Variants in MASP1 observed in about 807,000 individuals in gnomAD.
The protein encoded by MASP1 is mannan-binding lectin serine protease 1.
In MASP1, 59 loss-of-function variants were observed where a neutral mutation model predicts 77.1. The observed-to-expected ratio is 0.77, with a 90% CI of 0.62 to 0.95. The LOEUF is 0.95. Ranked by LOEUF, MASP1 falls within the 40% of genes least tolerant of loss-of-function variation. The pLI is 0.00. For missense variants in MASP1, 885 were observed against 912.9 expected (o/e 0.97, Z 0.39); for synonymous variants, 362 against 354.5 (o/e 1.02, Z -0.24).
chr3:187,223,084 G>T, intron 14 of MASP1: 1 of 1,528,820 alleles, frequency 6.5e-7, no homozygotes, highest in Non-Finnish European at 9.1e-7. Context: ...GCCCAGTGCA[G>T]AGCTGAGGTG....
intron 1 of MASP1, among the ~76,000 whole-genome samples, chr3:187,288,860 GGGA>G (rs1445530802): frequency 6.6e-6 from 1 of 152,188 alleles, no homozygotes; most frequent in Admixed American, 6.5e-5. Context: ...TGGTCAGCGT[GGGA>G]GGAAGGCCCA....
chr3:187,220,381 A>T, intron 15 of MASP1: 1 of 845,792 alleles, frequency 1.2e-6, no homozygotes, highest in South Asian at 1.7e-5. Flanking sequence ...AGACCGTTGG[A>T]CCCAAACCTC....
At chr3:187,229,631 C>T, downstream of MASP1, 2 of 1,273,568 alleles carry the variant, frequency 1.6e-6, no homozygotes, top group Admixed American at 2.0e-5. Flanking sequence ...GCCGAGAACT[C>T]TTTCTACCGC....
chr3:187,226,222 A>G (rs374363377), intron 12 of MASP1: 1 of 625,086 alleles, frequency 1.6e-6, no homozygotes, highest in Non-Finnish European at 2.9e-6. Flanking sequence ...ATGCCTTCTC[A>G]TGGTCACGTG....
At chr3:187,220,126 G>C in exon 16 of MASP1, 1 of 1,614,150 alleles carries the variant, frequency 6.2e-7, no homozygotes, top group Non-Finnish European at 8.5e-7. Flanking sequence ...GTGGATGTAA[G>C]AGTATACTCC....
At chr3:187,262,941 G>A (rs1047078089) in intron 2 of MASP1, 1 of 524,872 alleles carries the variant, frequency 1.9e-6, no homozygotes, top group Non-Finnish European at 3.4e-6. Context: ...TCCATTAGAA[G>A]TAGCTTGATA....
chr3:187,253,177 T>C lies in MASP1; in HGVS notation c.883A>G (p.Arg295Gly). Residue 295 changes from arginine to glycine, a missense_variant, in exon 6 of 11, where the codon AGG becomes GGG. Coordinates refer to ENST00000296280, the MANE Select transcript of MASP1 (RefSeq NM_139125.4). Reference protein sequence around the residue: ...GENRGWRLSYRAAGNECPELQ... With the variant: ...GENRGWRLSYGAAGNECPELQ... ...GGAGGGAAGAGGTTACCTGCAGCCC[T>C]GTATGAGAGCCTCCAGCCCCGGTTC... 1.2e-6 allele frequency: 2 copies of C among 1,613,968 alleles called. No individual in the cohort carries two copies. Among genetic ancestry groups the C allele is most frequent in the Non-Finnish European group, 1.7e-6 (2 of 1,179,990 alleles).
intron 9 of MASP1, 149 bp from the exon 10 acceptor site, chr3:187,241,704 G>A: frequency 1.5e-6 from 1 of 645,970 alleles, no homozygotes; most frequent in Non-Finnish European, 2.9e-6. Context: ...TTGTCTCTGA[G>A]CCTAGATGTA....
At chr3:187,241,440 G>A (rs770329400) in intron 10 of MASP1, 41 bp downstream of exon 10, 1 of 1,559,586 alleles carries the variant, frequency 6.4e-7, no homozygotes, top group Non-Finnish European at 8.8e-7. Context: ...TAGGGCCTTG[G>A]ATGGAAAACT....
chr3:187,247,602 T>C (rs1009709168), intron 8 of MASP1, among the ~76,000 whole-genome samples: 38 of 152,194 alleles, frequency 2.5e-4, no homozygotes, highest in African/African-American at 8.7e-4. Context: ...TTCTGAGAAT[T>C]TGCAGAGTCA....
At position 187,286,019 on chromosome 3, in the gene MASP1, A is replaced by T. The variant is rs1279386196; in HGVS notation, c.43T>A (p.Ser15Thr). 1 of 1,614,228 alleles carries T rather than the reference A, an allele frequency of 6.2e-7. No homozygotes were observed. Among genetic ancestry groups the T allele is most frequent in the Non-Finnish European group, 8.5e-7 (1 of 1,180,034 alleles). ...TCCACGGTGTGGGCTGAAGCCTTTGACAGGGAGAAGCACAGAGCATAATAG... is the reference window on the plus strand; with the variant it reads ...TCCACGGTGTGGGCTGAAGCCTTTGTCAGGGAGAAGCACAGAGCATAATAG... ...LLYYALCFSL[S>T]KASAHTVELN... is the part of the protein sequence containing the mutation. Residue 15 changes from serine to threonine, a missense_variant, in exon 2 of 11, where the codon TCA (serine) becomes ACA (threonine). Physicochemically the swap from Ser to Thr is moderately conservative, Grantham distance 58. Coordinates refer to ENST00000296280, the MANE Select transcript of MASP1 (RefSeq NM_139125.4).
intron 2 of MASP1, among the ~76,000 whole-genome samples, chr3:187,271,317 G>A (rs73886136): frequency 0.14 from 20,761 of 152,054 alleles, 2,254 homozygotes; most frequent in African/African-American, 0.3. Flanking sequence ...ATAACCTAGG[G>A]AAAAATATTC....
At chr3:187,237,287 A>G (rs1180193824) in intron 10 of MASP1, among the ~76,000 whole-genome samples, 2 of 152,262 alleles carry the variant, frequency 1.3e-5, no homozygotes, top group Non-Finnish European at 2.9e-5. Flanking sequence ...CCTGAGTTTA[A>G]GTGACTAGCC....
At chr3:187,223,247 G>A (rs777613257) in intron 13 of MASP1, 166 of 1,421,372 alleles carry the variant, frequency 1.2e-4, no homozygotes, top group Non-Finnish European at 1.5e-4. Flanking sequence ...GGGGTGTTTG[G>A]AGGGGTGCAG....
At chr3:187,253,030 C>T in intron 6 of MASP1, 138 bp downstream of exon 6, 2 of 1,103,772 alleles carry the variant, frequency 1.8e-6, no homozygotes, top group African/African-American at 1.5e-5. Context: ...AAGCACGTGC[C>T]TTGGTCCCCA....
chr3:187,218,756 C>T (rs1157716065), exon 16 of MASP1: 2 of 152,304 alleles, frequency 1.3e-5, no homozygotes, highest in South Asian at 2.1e-4. Flanking sequence ...CCTTGGAGGG[C>T]TTATATCTTG....
chr3:187,266,249 A>C (rs1716009028), intron 2 of MASP1, among the ~76,000 whole-genome samples: 1 of 152,216 alleles, frequency 6.6e-6, no homozygotes, highest in South Asian at 2.1e-4. Flanking sequence ...AACTCAATTC[A>C]CCAAATATGT....
chr3:187,224,410 G>A (rs920810664), intron 13 of MASP1, among the ~76,000 whole-genome samples: 1 of 148,568 alleles, frequency 6.7e-6, no homozygotes, highest in African/African-American at 2.5e-5. Context: ...GCAGTGGCGG[G>A]ATCTCGGCTC....
chr3:187,217,921 G>A (rs1711851252), exon 16 of MASP1: 1 of 152,208 alleles, frequency 6.6e-6, no homozygotes, highest in South Asian at 2.1e-4. Context: ...ACTTTAAGGA[G>A]AAAAGCTCTT....
Sources: allele counts gnomAD v4.1 joint callset (sites outside exome capture counted in the v4.1 genomes callset), GRCh38; gene constraint gnomAD v4.1.1; transcripts MANE v1.5; gene names NCBI Gene and HGNC (gene_info 2026-07-23, HGNC 2026-07-21).